The following SUPT3H variants were observed in gnomAD, a reference collection of about 807,000 sequenced individuals.
SUPT3H encodes transcription initiation protein SPT3 homolog.
SUPT3H carries 44 observed loss-of-function variants against 44.3 expected under a neutral mutation model. The observed-to-expected ratio is 0.99, with a 90% CI of 0.78 to 1.28. SUPT3H has a LOEUF of 1.28. Ranked by LOEUF, SUPT3H falls within the 50% of genes most tolerant of loss-of-function variation. The pLI is 0.00. For synonymous variants in SUPT3H, 124 were observed against 125.6 expected, an observed-to-expected ratio of 0.99 and a Z score of 0.09; for missense variants, 380 against 387.1, an observed-to-expected ratio of 0.98 and a Z score of 0.15.
intron 2 of SUPT3H, among the ~76,000 whole-genome samples, chr6:45,299,335 C>CAA (rs10657198): frequency 0.18 from 24,647 of 137,984 alleles, 2,756 homozygotes; most frequent in African/African-American, 0.31. Context: ...GACTCTGCCT[C>CAA]AAAAAAAAAA....
rs571735788 is a variant in SUPT3H, at chr6:45,278,604, G to A, written c.101+86597C>T. 2.6e-5 allele frequency among the ~76,000 whole-genome samples: 4 copies of A among 152,156 alleles called. No homozygotes were observed. In the East Asian group the frequency reaches 5.8e-4, roughly 22 times the overall value. On this transcript the variant is annotated intron_variant, in intron 2 of 10. Coordinates refer to ENST00000371459, the MANE Select transcript of SUPT3H (RefSeq NM_003599.4). ...GAACTAGCTTCCAAAGCCACTAACA[G>A]TAGCTTACAAAGTCACAGCTGTTAC...
intron 6 of SUPT3H, among the ~76,000 whole-genome samples, chr6:44,999,252 T>A (rs1011034217): frequency 6.6e-6 from 1 of 152,002 alleles, no homozygotes; most frequent in South Asian, 2.1e-4. Context: ...TGATTCTTCA[T>A]GGATGGTTGA....
At chr6:45,204,174 G>C (rs1009587892) in intron 2 of SUPT3H, among the ~76,000 whole-genome samples, 3 of 151,848 alleles carry the variant, frequency 2.0e-5, no homozygotes, top group Admixed American at 2.0e-4. Context: ...TTGAACCCAG[G>C]AGGTGGAGGT....
At chr6:45,362,850 T>TA (rs111682830) in intron 2 of SUPT3H, among the ~76,000 whole-genome samples, 74 of 152,174 alleles carry the variant, frequency 4.9e-4, no homozygotes, top group African/African-American at 1.6e-3. Context: ...TCAGTTTTTT[T>TA]AAAATGGCCC....
intron 2 of SUPT3H, among the ~76,000 whole-genome samples, chr6:45,158,275 C>CATATAT (rs70996305): frequency 9.6e-5 from 6 of 62,178 alleles, no homozygotes; most frequent in South Asian, 6.1e-4. Context: ...TATAAATATA[C>CATATAT]ATATATATAT....
chr6:45,286,403 A>G (rs1278525930), intron 2 of SUPT3H, among the ~76,000 whole-genome samples: 1 of 151,302 alleles, frequency 6.6e-6, no homozygotes, highest in African/African-American at 2.4e-5. Flanking sequence ...TTTACAAGAA[A>G]AAACAACCCC....
chr6:45,214,297 C>G (rs1886344), intron 2 of SUPT3H, among the ~76,000 whole-genome samples: 3 of 152,168 alleles, frequency 2.0e-5, no homozygotes, highest in East Asian at 3.9e-4. Context: ...GAAGAAAAAG[C>G]AAAAATTGCC....
intron 3 of SUPT3H, among the ~76,000 whole-genome samples, chr6:45,035,977 T>C (rs558050286): frequency 2.0e-5 from 3 of 152,192 alleles, no homozygotes; most frequent in Admixed American, 2.0e-4. Context: ...AAATCGGATT[T>C]TTCAAACTGA....
chr6:45,294,327 C>T (rs1192208244), intron 2 of SUPT3H, among the ~76,000 whole-genome samples: 1 of 152,054 alleles, frequency 6.6e-6, no homozygotes, highest in Admixed American at 6.6e-5. Flanking sequence ...AAGGGATATA[C>T]CTCAATATAA....
intron 11 of SUPT3H, among the ~76,000 whole-genome samples, chr6:44,810,629 G>A (rs888734291): frequency 2.0e-5 from 3 of 150,760 alleles, no homozygotes; most frequent in African/African-American, 4.9e-5. Flanking sequence ...CACTTTTGGC[G>A]GGGCATGGTG....
At chr6:45,107,963 CAG>C (rs1799510992) in intron 2 of SUPT3H, among the ~76,000 whole-genome samples, 1 of 147,908 alleles carries the variant, frequency 6.8e-6, no homozygotes, top group African/African-American at 2.4e-5. Context: ...AAGTACTAAA[CAG>C]AAATAGAAAT....
Position 45,365,207 on chromosome 6 carries a change from C to T in SUPT3H, c.95G>A (p.Ser32Asn), listed in dbSNP as rs1446608137. 1.2e-6 allele frequency: 2 copies of T among 1,600,308 alleles called. No homozygotes were observed. The highest frequency in any genetic ancestry group is 1.7e-6 in the Non-Finnish European group (2 of 1,170,896). The change falls in exon 2 of 11, where the codon AGT (serine) becomes AAT (asparagine). Residue 32 changes from serine to asparagine, a missense_variant. By Grantham distance (46) the Ser-to-Asn change is conservative (BLOSUM62 1). Transcript: ENST00000371459. ...KSISFATELQSMMYSLGDARR... is the reference protein window; with the variant it reads ...KSISFATELQNMMYSLGDARR... The stretch of plus-strand genomic sequence containing the variant: ...CATGCAGGGACATACTTACATCATA[C>T]TCTGTAATTCTGTTGCAAAGCTTAT...
At chr6:44,888,582 C>T (rs1056856343) in intron 10 of SUPT3H, among the ~76,000 whole-genome samples, 6 of 152,178 alleles carry the variant, frequency 3.9e-5, no homozygotes, top group African/African-American at 2.4e-5. Flanking sequence ...ATGCTAAAAA[C>T]TCTCAATAAA....
chr6:45,245,879 A>C (rs185772531), intron 2 of SUPT3H, among the ~76,000 whole-genome samples: 226 of 152,286 alleles, frequency 1.5e-3, no homozygotes, highest in African/African-American at 5.2e-3. Flanking sequence ...CAGCAGTTCA[A>C]CAATTTTAAA....
chr6:45,124,942 A>C (rs62438880), intron 2 of SUPT3H, among the ~76,000 whole-genome samples: 67 of 152,130 alleles, frequency 4.4e-4, no homozygotes, highest in Non-Finnish European at 8.7e-4. Flanking sequence ...ACACAGAGGG[A>C]AGGCAATATG....
intron 10 of SUPT3H, among the ~76,000 whole-genome samples, chr6:44,889,844 A>C (rs1211038422): frequency 6.6e-6 from 1 of 152,156 alleles, no homozygotes; most frequent in Non-Finnish European, 1.5e-5. Context: ...AATGGGAGAA[A>C]ATTTTCGCAA....
At chr6:44,934,543 C>G (rs916351541) in intron 9 of SUPT3H, among the ~76,000 whole-genome samples, 2 of 152,108 alleles carry the variant, frequency 1.3e-5, no homozygotes, top group African/African-American at 4.8e-5. Flanking sequence ...AAAATTTGTA[C>G]GTTGAAATCC....
chr6:45,366,229 T>G (rs1365699819), intron 1 of SUPT3H, among the ~76,000 whole-genome samples: 1 of 152,194 alleles, frequency 6.6e-6, no homozygotes, highest in African/African-American at 2.4e-5. Flanking sequence ...TATGATAAAG[T>G]AAAGCAGTGC....
intron 6 of SUPT3H, among the ~76,000 whole-genome samples, chr6:44,985,730 T>C (rs1323886749): frequency 6.6e-6 from 1 of 152,122 alleles, no homozygotes; most frequent in African/African-American, 2.4e-5. Flanking sequence ...TCTTAGCATC[T>C]CTCTCTAGAA....
Sources: allele counts gnomAD v4.1 joint callset (sites outside exome capture counted in the v4.1 genomes callset), GRCh38; gene constraint gnomAD v4.1.1; transcripts MANE v1.5; gene names NCBI Gene and HGNC (gene_info 2026-07-23, HGNC 2026-07-21).